NELFA: variants seen among roughly 807,000 people sequenced by gnomAD.
NELFA encodes negative elongation factor A.
A neutral mutation model predicts 51.8 loss-of-function variants in NELFA; 35 were observed. That is an observed-to-expected ratio of 0.68 (90% confidence interval 0.52 to 0.90). The LOEUF (loss-of-function observed/expected upper bound fraction) is 0.90, where lower values mean the gene tolerates loss of function less well. NELFA is among the 40% of genes least tolerant of loss of function. The probability of loss-of-function intolerance (pLI) is 0.00; values close to 1 mark genes in which losing one functional copy is unlikely to be tolerated. For synonymous variants in NELFA, 417 were observed against 338.4 expected, an observed-to-expected ratio of 1.23 and a Z score of -2.55; for missense variants, 658 against 746.4, an observed-to-expected ratio of 0.88 and a Z score of 1.38.
chr4:1,990,474 C>T (rs375491707), intron 2 of NELFA: 39 of 456,710 alleles, frequency 8.5e-5, no homozygotes, highest in African/African-American at 5.0e-4. Flanking sequence ...CCTTCCTGCC[C>T]GCGGGACACT....
intron 1 of NELFA, among the ~76,000 whole-genome samples, chr4:2,004,707 C>T (rs1728663427): frequency 1.3e-5 from 2 of 149,494 alleles, no homozygotes; most frequent in South Asian, 2.1e-4. Flanking sequence ...AGGCTGATCT[C>T]GAATGCCTGG....
intron 2 of NELFA, chr4:1,990,315 C>G: frequency 2.3e-6 from 1 of 441,422 alleles, no homozygotes; most frequent in South Asian, 1.6e-5. Context: ...CCAAACTGCC[C>G]ACATCCATTT....
rs775048821 is a variant in NELFA at position 1,986,193 on chromosome 4, C to T, written c.766-10G>A. 3.2e-6 allele frequency: 5 copies of T among 1,560,196 alleles called. No individual in the cohort carries two copies. Among genetic ancestry groups the T allele is most frequent in the South Asian group, 1.2e-5 (1 of 84,746 alleles). ...CAGAGATGTCCAGCAGCTGCCAAGA[C>T]AAGCACAGCCCTGCCTTAGTGACGG... On this transcript the variant is annotated splice_polypyrimidine_tract_variant and intron_variant, in intron 5 of 10. Coordinates refer to ENST00000382882, the MANE Select transcript of NELFA (RefSeq NM_005663.5).
chr4:2,007,381 C>T (rs1728736282), intron 1 of NELFA, among the ~76,000 whole-genome samples: 1 of 152,146 alleles, frequency 6.6e-6, no homozygotes, highest in African/African-American at 2.4e-5. Context: ...AAAAGCTAAG[C>T]GTGTCACTGT....
At chr4:1,992,669 G>A (rs1560871459) in intron 1 of NELFA, 1 of 205,662 alleles carries the variant, frequency 4.9e-6, no homozygotes. Flanking sequence ...GTCCTACGAG[G>A]GCTGCGGCCA....
intron 1 of NELFA, among the ~76,000 whole-genome samples, chr4:2,001,861 C>A (rs1185303851): frequency 6.6e-6 from 1 of 151,504 alleles, no homozygotes. Flanking sequence ...CGAGATCGTG[C>A]CACTGCACTC....
Position 2,008,854 on chromosome 4 carries a change from C to T in NELFA, c.106G>A (p.Ala36Thr), listed in dbSNP as rs753200372. ...CAGAGACGGATGTTGTCGATGACCG[C>T]GGCCGTGAGCAGGGACGCGATGCTG... is the stretch of plus-strand genomic sequence containing the variant. ...PPSIASLLTAAVIDNIRLCFH... is the reference protein window; with the variant it reads ...PPSIASLLTATVIDNIRLCFH... The change falls in exon 1 of 11, where the codon GCG becomes ACG. Residue 36 changes from alanine to threonine, a missense_variant. Ala to Thr is a moderately conservative substitution (Grantham distance 58, BLOSUM62 0). Coordinates refer to ENST00000382882, the MANE Select transcript of NELFA (RefSeq NM_005663.5). 6.2e-7 allele frequency: 1 copy of T among 1,605,962 alleles called. No individual in the cohort carries two copies. The highest frequency in any genetic ancestry group is 1.3e-5 in the African/African-American group (1 of 74,862).
intron 7 of NELFA, among the ~76,000 whole-genome samples, chr4:1,985,123 G>A (rs576466248): frequency 9.8e-5 from 15 of 152,288 alleles, no homozygotes; most frequent in South Asian, 6.2e-4. Context: ...GGACTGAGCC[G>A]CTCCTGTGTA....
At chr4:1,998,197 G>GA (rs1728483494) in intron 1 of NELFA, among the ~76,000 whole-genome samples, 1 of 151,984 alleles carries the variant, frequency 6.6e-6, no homozygotes, top group African/African-American at 2.4e-5. Flanking sequence ...AAGAATCAAC[G>GA]AAAAAATGCT....
chr4:2,000,993 G>A (rs543887951), intron 1 of NELFA, among the ~76,000 whole-genome samples: 34 of 152,230 alleles, frequency 2.2e-4, no homozygotes, highest in Non-Finnish European at 4.1e-4. Flanking sequence ...TTCAACATAC[G>A]CAAATCAACA....
chr4:2,008,072 C>T (rs1430441912), intron 1 of NELFA: 3 of 456,560 alleles, frequency 6.6e-6, no homozygotes, highest in South Asian at 3.1e-5. Context: ...ACAAGAAAAT[C>T]CAGTCAGCGG....
intron 1 of NELFA, chr4:1,992,366 G>A (rs1340711680): frequency 3.4e-6 from 1 of 297,382 alleles, no homozygotes; most frequent in Non-Finnish European, 6.9e-6. Flanking sequence ...GGCGACGTGC[G>A]TGGAGGAAGC....
chr4:2,004,564 C>T (rs1054935251), intron 1 of NELFA, among the ~76,000 whole-genome samples: 11 of 151,616 alleles, frequency 7.3e-5, no homozygotes, highest in Non-Finnish European at 1.5e-4. Flanking sequence ...CATGGCTCGC[C>T]GCATCCTCAA....
chr4:2,008,091 G>A (rs928409178), intron 1 of NELFA: 2 of 454,726 alleles, frequency 4.4e-6, no homozygotes, highest in Admixed American at 4.7e-5. Flanking sequence ...GGACACTGGA[G>A]CTACCGAGCC....
rs866719774 is a variant in NELFA, at chr4:1,984,802, A to G, written c.1036+6T>C. On this transcript the variant is annotated splice_donor_region_variant and intron_variant, in intron 8 of 10. Coordinates refer to ENST00000382882, the MANE Select transcript of NELFA (RefSeq NM_005663.5). ...GCTGGTTCCAGGCTGGGGCCAGCAG[A>G]CTCACCTGGGGGCGTCTCGGAGCTG... The G allele has an allele frequency of 3.9e-6, 6 of 1,553,036 alleles. No homozygotes were observed. In the African/African-American group the frequency reaches 6.8e-5, roughly 18 times the overall value.
chr4:1,984,024 TGG>T lies in NELFA; in HGVS notation c.1124_1125del (p.Pro375HisfsTer53). 6.2e-7 allele frequency: 1 copy of T among 1,607,790 alleles called. No individual in the cohort carries two copies. Among genetic ancestry groups the T allele is most frequent in the Non-Finnish European group, 8.5e-7 (1 of 1,179,460 alleles). On this transcript the variant is annotated frameshift_variant, in exon 9 of 11. Transcript: ENST00000382882. LOFTEE classifies it high-confidence loss of function. ...TLPAQFKQRA[P>X]MYNSGLSPAT... ...GCAGGGCTCAGGCCGCTGTTGTACA[TGG>T]GCGCCCGCTGCTTGAACTGCGCTGG... is the stretch of plus-strand genomic sequence containing the variant.
chr4:2,004,299 T>C, intron 1 of NELFA: 1 of 152,140 alleles, frequency 6.6e-6, no homozygotes, highest in Non-Finnish European at 1.5e-5. Context: ...AAAAGTAGAT[T>C]ACTAGTCACC....
intron 1 of NELFA, among the ~76,000 whole-genome samples, chr4:1,994,362 C>A (rs1243491104): frequency 6.6e-6 from 1 of 151,896 alleles, no homozygotes; most frequent in Non-Finnish European, 1.5e-5. Flanking sequence ...GTCAGGAGTT[C>A]GAGATCAGCC....
At chr4:2,008,681 G>A in intron 1 of NELFA, 69 bp downstream of exon 1, 2 of 1,532,252 alleles carry the variant, frequency 1.3e-6, no homozygotes, top group Non-Finnish European at 1.8e-6. Context: ...AGGGTCCGGA[G>A]TTGGGTGTGC....
Sources: gnomAD v4.1 joint callset for allele counts (sites outside exome capture counted in the v4.1 genomes callset) on GRCh38, gnomAD v4.1.1 for gene constraint, MANE v1.5 for transcripts, NCBI Gene and HGNC (gene_info 2026-07-23, HGNC 2026-07-21) for gene names.